The following AFDN variants were observed in gnomAD, a reference collection of about 807,000 sequenced individuals.
The protein encoded by AFDN is afadin, adherens junction formation factor.
Under a neutral mutation model 216.6 loss-of-function variants are expected in AFDN, and 68 were observed. The observed-to-expected ratio is 0.31, with a 90% CI of 0.26 to 0.38. The LOEUF (loss-of-function observed/expected upper bound fraction) is 0.38. Among genes scored for constraint, AFDN ranks in the 10% least tolerant of loss-of-function variants. The probability of loss-of-function intolerance (pLI) is 1.00; values close to 1 mark genes in which losing one functional copy is unlikely to be tolerated. For synonymous variants in AFDN, 868 were observed against 853.7 expected (o/e 1.02, Z -0.29); for missense variants, 2,136 against 2,342.0 (o/e 0.91, Z 1.82).
chr6:167,839,404 T>C (rs555721284), intron 1 of AFDN, among the ~76,000 whole-genome samples: 1 of 152,170 alleles, frequency 6.6e-6, no homozygotes, highest in Admixed American at 6.5e-5. Context: ...ATTATGGACA[T>C]TTAAACATTT....
Position 167,872,232 on chromosome 6 carries a change from C to A in AFDN, c.433C>A (p.Pro145Thr). Residue 145 changes from proline to threonine, a missense_variant, in exon 4 of 34, where the codon CCT (proline) becomes ACT (threonine). Around this residue, in one of 8 missense-constraint regions of AFDN, gnomAD observed 817 missense variants for 965.7 expected, o/e 0.85. Transcript: ENST00000683244. ...TCATCAGAAGGCTCAAAGTAATGGA[C>A]CTGAAAAGCAGGAAAAAGAAGGGGT... Reference protein sequence around the residue: ...IPPKKAQSNGPEKQEKEGVIQ... With the variant: ...IPPKKAQSNGTEKQEKEGVIQ... 2 of 1,611,320 alleles carry A rather than the reference C, an allele frequency of 1.2e-6. No individual in the cohort carries two copies. The highest frequency in any genetic ancestry group is 1.7e-6 in the Non-Finnish European group (2 of 1,179,314).
In AFDN at chr6:167,890,873, T is replaced by G; in HGVS notation, c.1021T>G (p.Phe341Val). The change falls in exon 8 of 34, where the codon TTT becomes GTT. Residue 341 changes from phenylalanine (F) to valine (V), a missense_variant. This residue lies in a region of AFDN where 817 missense variants were observed against 965.7 expected (regional missense o/e 0.85). Coordinates refer to ENST00000683244, the MANE Select transcript of AFDN (RefSeq NM_001386888.1). ...TGCTGCTGTTCTAGGGATTTTAGTCTTTCAGTTGAAGAGGAGGCCACCAGA... is the reference window on the plus strand; with the variant it reads ...TGCTGCTGTTCTAGGGATTTTAGTCGTTCAGTTGAAGAGGAGGCCACCAGA... ...EWPSDKGILV[F>V]QLKRRPPDHI... The G allele has an allele frequency of 6.2e-7, 1 of 1,613,114 alleles. No homozygotes were observed. The highest frequency in any genetic ancestry group is 8.5e-7 in the Non-Finnish European group (1 of 1,179,546).
chr6:167,888,267 T>C (rs912994121), intron 6 of AFDN, among the ~76,000 whole-genome samples: 2 of 152,206 alleles, frequency 1.3e-5, no homozygotes, highest in Non-Finnish European at 2.9e-5. Context: ...ATTGAAGCAG[T>C]GTAGAGAGAA....
rs138827007 is a variant in AFDN at position 167,935,107 on chromosome 6, A to G, written c.3100-8022A>G. On this transcript the variant is annotated intron_variant, in intron 23 of 33. Coordinates refer to ENST00000683244, the MANE Select transcript of AFDN (RefSeq NM_001386888.1). ...CGTTCTACAGGTGAATTTCAGATAC[A>G]GCTTTGGTTCATCCTTTTTTGTCCT... Among the ~76,000 whole-genome samples the G allele has an allele frequency of 4.9e-3, 752 of 152,252 alleles. 11 individuals carry two copies. Among genetic ancestry groups the G allele is most frequent in the African/African-American group, 0.017 (712 of 41,554 alleles).
At chr6:167,967,301 C>G (rs953415385) in intron 32 of AFDN, among the ~76,000 whole-genome samples, 8 of 152,194 alleles carry the variant, frequency 5.3e-5, no homozygotes, top group African/African-American at 1.9e-4. Context: ...GTGTAACTGT[C>G]ACCCTTACAA....
At chr6:167,863,085 TAA>T (rs1783777115) in intron 1 of AFDN, among the ~76,000 whole-genome samples, 1 of 152,214 alleles carries the variant, frequency 6.6e-6, no homozygotes, top group Admixed American at 6.5e-5. Flanking sequence ...TAATACAGGT[TAA>T]GTGTCTCTAA....
intron 21 of AFDN, 22 bp from the exon 22 acceptor site, chr6:167,922,834 A>C (rs1327254014): frequency 4.6e-6 from 7 of 1,508,620 alleles, no homozygotes. Context: ...TTTCACTTAC[A>C]ATTTGCTTGT....
intron 6 of AFDN, among the ~76,000 whole-genome samples, chr6:167,887,829 A>G (rs144306095): frequency 6.6e-6 from 1 of 152,242 alleles, no homozygotes; most frequent in African/African-American, 2.4e-5. Flanking sequence ...TAATTATTTA[A>G]TAAATTTTCT....
At position 167,889,327 on chromosome 6, in the gene AFDN, G is replaced by T. The variant is rs760534600; in HGVS notation, c.1009+1G>T. The T allele has an allele frequency of 6.3e-7, 1 of 1,595,130 alleles. No homozygotes were observed. The highest frequency in any genetic ancestry group is 2.2e-5 in the East Asian group (1 of 44,770). Reference sequence around the variant, plus strand: ...TTCAGGGAATGGCCAAGTGACAAAGGTAGTAACCTTATTAAAGGATTACTT... The same window carrying T: ...TTCAGGGAATGGCCAAGTGACAAAGTTAGTAACCTTATTAAAGGATTACTT... On this transcript the variant is annotated splice_donor_variant, in intron 7 of 33. Coordinates refer to ENST00000683244, the MANE Select transcript of AFDN (RefSeq NM_001386888.1). LOFTEE classifies it high-confidence loss of function.
At chr6:167,947,552 A>G (rs1795463480) in intron 27 of AFDN, among the ~76,000 whole-genome samples, 1 of 152,232 alleles carries the variant, frequency 6.6e-6, no homozygotes, top group Non-Finnish European at 1.5e-5. Flanking sequence ...AGCAGGAGAC[A>G]AAGGCTCACA....
chr6:167,886,386 C>T (rs529292320), intron 6 of AFDN, among the ~76,000 whole-genome samples: 1 of 152,260 alleles, frequency 6.6e-6, no homozygotes, highest in African/African-American at 2.4e-5. Context: ...AACTAGAGTT[C>T]TGCCATACTC....
chr6:167,827,203 G>A lies in AFDN; in HGVS notation c.71G>A (p.Arg24Gln). 1 of 1,275,342 alleles carries A rather than the reference G, an allele frequency of 7.8e-7. No homozygotes were observed. The highest frequency in any genetic ancestry group is 1.0e-6 in the Non-Finnish European group (1 of 979,322). The allele number at this position is 1,275,342 out of a possible 1,614,324, so 79.0% of individuals were successfully genotyped here. ...ADIIHHWNAN[R>Q]LDLFEISQPT... ...ATCATCCACCACTGGAACGCCAACC[G>A]GCTGGACCTGTTCGAGATCAGCCAG... is the stretch of plus-strand genomic sequence containing the variant. The change falls in exon 1 of 34, where the codon CGG becomes CAG. Residue 24 changes from arginine to glutamine, a missense_variant. By Grantham distance (43) the Arg-to-Gln change is conservative. Around this residue, in one of 8 missense-constraint regions of AFDN, gnomAD observed 81 missense variants for 51.2 expected, o/e 1.58. Coordinates refer to ENST00000683244, the MANE Select transcript of AFDN (RefSeq NM_001386888.1).
rs1165002743 is a variant in AFDN, at chr6:167,945,556, G to T, written c.3359-1151G>T. Among the ~76,000 whole-genome samples, 5 of 152,326 alleles carry T rather than the reference G, an allele frequency of 3.3e-5. No individual in the cohort carries two copies. The South Asian group carries it at 1.0e-3, about 32-fold the overall frequency. ...GAACTATACTTGTATACAGCTAGCA[G>T]TGCAGTCTGGCACGACCACAAACAC... is the stretch of plus-strand genomic sequence containing the variant. On this transcript the variant is annotated intron_variant, in intron 26 of 33. Coordinates refer to ENST00000683244, the MANE Select transcript of AFDN (RefSeq NM_001386888.1).
chr6:167,875,778 C>G (rs1020522957), intron 5 of AFDN, among the ~76,000 whole-genome samples: 2 of 151,734 alleles, frequency 1.3e-5, no homozygotes, highest in African/African-American at 4.8e-5. Flanking sequence ...ATACAATAAA[C>G]TCCCGTGTAC....
Position 167,861,507 on chromosome 6 carries a change from T to A in AFDN, c.106-3044T>A, listed in dbSNP as rs971393235. 3.3e-5 allele frequency among the ~76,000 whole-genome samples: 5 copies of A among 152,172 alleles called. No individual in the cohort carries two copies. In the East Asian group the frequency reaches 9.6e-4, roughly 29 times the overall value. On this transcript the variant is annotated intron_variant, in intron 1 of 33. Coordinates refer to ENST00000683244, the MANE Select transcript of AFDN (RefSeq NM_001386888.1). ...TTTTCTCTCTTTGATCTCTTAACAT[T>A]TTATGTAAGGTAAGTAGCTGGGCCA... is the stretch of plus-strand genomic sequence containing the variant.
chr6:167,907,975 T>C (rs971520362), intron 13 of AFDN, among the ~76,000 whole-genome samples: 4 of 152,228 alleles, frequency 2.6e-5, no homozygotes, highest in Non-Finnish European at 4.4e-5. Flanking sequence ...TACTGACTAG[T>C]GGAACCAGCA....
chr6:167,891,493 C>CT (rs2128342740), intron 8 of AFDN, among the ~76,000 whole-genome samples: 1 of 147,442 alleles, frequency 6.8e-6, no homozygotes, highest in South Asian at 2.2e-4. Flanking sequence ...AAAAGAATAT[C>CT]TTTAAATTTT....
At chr6:167,940,200 C>G (rs899316391) in intron 23 of AFDN, among the ~76,000 whole-genome samples, 2 of 151,704 alleles carry the variant, frequency 1.3e-5, no homozygotes, top group Admixed American at 6.6e-5. Context: ...GATGGGTGGA[C>G]AGACACAGAG....
In AFDN at chr6:167,898,371, A is replaced by G; in HGVS notation, c.1484A>G (p.His495Arg). ...ATGAAAGTGCAGTTTGGGGCGTCCC[A>G]TGTATTTAAGTTTGTGGACCCCAGT... is the stretch of plus-strand genomic sequence containing the variant. ...SGMKVQFGAS[H>R]VFKFVDPSQD... The change falls in exon 11 of 34, where the codon CAT becomes CGT. Residue 495 changes from histidine to arginine, a missense_variant. Transcript: ENST00000683244. 1 of 1,614,176 alleles carries G rather than the reference A, an allele frequency of 6.2e-7. No individual in the cohort carries two copies. The highest frequency in any genetic ancestry group is 8.5e-7 in the Non-Finnish European group (1 of 1,180,032).
Sources: allele counts gnomAD v4.1 joint callset (sites outside exome capture counted in the v4.1 genomes callset), GRCh38; gene constraint gnomAD v4.1.1; regional missense constraint gnomAD v4.1.1; transcripts MANE v1.5; gene names NCBI Gene and HGNC (gene_info 2026-07-23, HGNC 2026-07-21).